Variants in FARSB observed in about 807,000 individuals in gnomAD.
FARSB encodes phenylalanyl-tRNA synthetase subunit beta.
A neutral mutation model predicts 69.6 loss-of-function variants in FARSB; 40 were observed. That is an observed-to-expected ratio of 0.57 (90% CI 0.45 to 0.75). The LOEUF is 0.75. FARSB is among the 30% of genes least tolerant of loss of function. The probability of loss-of-function intolerance (pLI) is 0.00; values close to 1 mark genes in which losing one functional copy is unlikely to be tolerated. For missense variants in FARSB, 632 were observed against 722.9 expected, an observed-to-expected ratio of 0.87 and a Z score of 1.44; for synonymous variants, 235 against 247.2, an observed-to-expected ratio of 0.95 and a Z score of 0.46.
rs191581571 is a variant in FARSB, at chr2:222,588,550, A to T, written c.1618+11378T>A. On this transcript the variant is annotated intron_variant, in intron 16 of 16. Coordinates refer to ENST00000281828, the MANE Select transcript of FARSB (RefSeq NM_005687.5). ...AGAAAGAAATAAAGGGTATTCAATT[A>T]GGAAAACTGAAGTCAAATTGTCCCT... Among the ~76,000 whole-genome samples the T allele has an allele frequency of 3.3e-3, 503 of 152,344 alleles. 2 individuals carry two copies. Among genetic ancestry groups the T allele is most frequent in the Admixed American group, 5.2e-3 (79 of 15,296 alleles).
chr2:222,586,611 C>T (rs554529487), intron 16 of FARSB, among the ~76,000 whole-genome samples: 2 of 152,186 alleles, frequency 1.3e-5, no homozygotes, highest in East Asian at 3.9e-4. Flanking sequence ...ATTCAGGAGA[C>T]TCATCTCACA....
At chr2:222,583,316 G>A (rs1243556984) in intron 16 of FARSB, among the ~76,000 whole-genome samples, 1 of 152,116 alleles carries the variant, frequency 6.6e-6, no homozygotes, top group Non-Finnish European at 1.5e-5. Flanking sequence ...AATTATAATG[G>A]AGAAAAGAAT....
In FARSB at chr2:222,634,503, T is replaced by C. The variant is rs200029631; in HGVS notation, c.494A>G (p.Asp165Gly). Residue 165 changes from aspartate to glycine, a missense_variant, in exon 6 of 17, where the codon GAC becomes GGC. Transcript: ENST00000281828. ...ATAAGTAAATGGGCCCGACAAAGTG[T>C]CCAAATCATGGGTACCAATGGCAAC... ...ALVAIGTHDLDTLSGPFTYTA... is the reference protein window; with the variant it reads ...ALVAIGTHDLGTLSGPFTYTA... The C allele has an allele frequency of 6.2e-7, 1 of 1,613,382 alleles. No homozygotes were observed. Among genetic ancestry groups the C allele is most frequent in the East Asian group, 2.2e-5 (1 of 44,860 alleles).
At position 222,622,841 on chromosome 2, in the gene FARSB, T is replaced by C. The variant is rs79827893; in HGVS notation, c.1251+809A>G. Among the ~76,000 whole-genome samples, 431 of 152,308 alleles carry C rather than the reference T, an allele frequency of 2.8e-3. 4 individuals are homozygous for C. The highest frequency in any genetic ancestry group is 5.0e-3 in the Admixed American group (76 of 15,294). ...CCTCATTGGTGCAGTGCCTGACATA[T>C]AATAAATGCTCAACAAATGTTGAAT... On this transcript the variant is annotated intron_variant, in intron 13 of 16. Transcript: ENST00000281828.
In FARSB at chr2:222,567,449, A is replaced by G. The variant is rs1266204058; in HGVS notation, c.*4422T>C. The G allele has an allele frequency of 6.6e-6, 1 of 152,204 alleles. No individual in the cohort carries two copies. Among genetic ancestry groups the G allele is most frequent in the Non-Finnish European group, 1.5e-5 (1 of 68,036 alleles). The allele number at this position is 152,204 out of a possible 1,614,324, so 9.4% of individuals were successfully genotyped here. On this transcript the variant is annotated 3_prime_UTR_variant, in exon 17 of 17. Transcript: ENST00000281828. The stretch of plus-strand genomic sequence containing the variant: ...TATTAGGGTTAGTGATGTTATATAA[A>G]ACACCAAGCACAAATAGATTAAGAT...
At chr2:222,637,295 G>T (rs2106233464) in intron 5 of FARSB, among the ~76,000 whole-genome samples, 1 of 152,294 alleles carries the variant, frequency 6.6e-6, no homozygotes, top group Non-Finnish European at 1.5e-5. Flanking sequence ...AGGAAAGCAG[G>T]CCCAGTGGAG....
At chr2:222,606,661 GA>G (rs1200720870) in intron 15 of FARSB, among the ~76,000 whole-genome samples, 1 of 152,122 alleles carries the variant, frequency 6.6e-6, no homozygotes, top group African/African-American at 2.4e-5. Context: ...TAACAGAAAA[GA>G]AAAAGGAGTG....
At position 222,623,636 on chromosome 2, in the gene FARSB, C is replaced by A; in HGVS notation, c.1251+14G>T. 1 of 1,463,430 alleles carries A rather than the reference C, an allele frequency of 6.8e-7. No individual in the cohort carries two copies. The highest frequency in any genetic ancestry group is 9.6e-7 in the Non-Finnish European group (1 of 1,042,638). 90.7% of individuals were successfully genotyped at this position (1,463,430 alleles called of 1,614,324 possible). A position where few individuals can be genotyped will look rare whatever the true frequency, so the allele number is the denominator to read the frequency against. Reference sequence around the variant, plus strand: ...TAAATAATCATCTGGGCAGAAAAAGCATGTAAGACATACCAGGGCAAAGGT... The same window carrying A: ...TAAATAATCATCTGGGCAGAAAAAGAATGTAAGACATACCAGGGCAAAGGT... On this transcript the variant is annotated intron_variant, in intron 13 of 16. Transcript: ENST00000281828.
intron 14 of FARSB, among the ~76,000 whole-genome samples, chr2:222,619,432 G>C (rs902255600): frequency 3.9e-5 from 6 of 151,972 alleles, no homozygotes; most frequent in Admixed American, 3.3e-4. Flanking sequence ...TAAGAACCCA[G>C]TATGAAGTTA....
chr2:222,579,931 C>T (rs552516971), intron 16 of FARSB, among the ~76,000 whole-genome samples: 97 of 152,256 alleles, frequency 6.4e-4, no homozygotes, highest in African/African-American at 2.2e-3. Context: ...GGACAGATAT[C>T]GTCATTGCCA....
chr2:222,643,263 A>G (rs1691767452), intron 2 of FARSB, among the ~76,000 whole-genome samples: 1 of 152,190 alleles, frequency 6.6e-6, no homozygotes, highest in Non-Finnish European at 1.5e-5. Context: ...AAATCCATCT[A>G]AACAAGGGTC....
intron 6 of FARSB, among the ~76,000 whole-genome samples, chr2:222,634,044 A>C (rs990994793): frequency 3.9e-5 from 6 of 152,244 alleles, no homozygotes; most frequent in Non-Finnish European, 8.8e-5. Context: ...AATGGGAGAT[A>C]GACAGCTTGT....
intron 15 of FARSB, among the ~76,000 whole-genome samples, chr2:222,611,795 T>C (rs1042336227): frequency 6.6e-6 from 1 of 152,118 alleles, no homozygotes; most frequent in African/African-American, 2.4e-5. Flanking sequence ...TACCCAGGAC[T>C]AAAATACTGC....
intron 15 of FARSB, among the ~76,000 whole-genome samples, chr2:222,601,413 C>CAATAAT (rs1020800566): frequency 5.6e-4 from 84 of 150,948 alleles, no homozygotes; most frequent in African/African-American, 1.8e-3. Context: ...CCCATCTCTA[C>CAATAAT]AATAATAATA....
At chr2:222,611,515 A>T (rs1169096507) in intron 15 of FARSB, among the ~76,000 whole-genome samples, 1 of 152,090 alleles carries the variant, frequency 6.6e-6, no homozygotes, top group African/African-American at 2.4e-5. Context: ...TAGTGTAAAC[A>T]TAGCTTACTG....
chr2:222,602,718 A>G (rs948985277), intron 15 of FARSB, among the ~76,000 whole-genome samples: 8 of 151,970 alleles, frequency 5.3e-5, no homozygotes, highest in Admixed American at 2.6e-4. Flanking sequence ...GGTGTGCTGC[A>G]CCCATTAATG....
At chr2:222,652,065 T>A (rs1692051669) in intron 1 of FARSB, among the ~76,000 whole-genome samples, 1 of 152,190 alleles carries the variant, frequency 6.6e-6, no homozygotes, top group East Asian at 1.9e-4. Context: ...ACAGGAGTTA[T>A]CCTATGCCCA....
chr2:222,639,727 A>G, intron 4 of FARSB, 32 bp from the exon 5 acceptor site: 1 of 1,036,652 alleles, frequency 9.6e-7, no homozygotes, highest in Non-Finnish European at 1.4e-6. Flanking sequence ...GAGATAGCAA[A>G]CAGTAAGGCT....
chr2:222,625,654 A>G (rs1049950488), intron 10 of FARSB, among the ~76,000 whole-genome samples: 1 of 152,226 alleles, frequency 6.6e-6, no homozygotes, highest in African/African-American at 2.4e-5. Flanking sequence ...GGGAGGCACA[A>G]GGTGAAGATT....
Sources: allele counts gnomAD v4.1 joint callset (sites outside exome capture counted in the v4.1 genomes callset), GRCh38; gene constraint gnomAD v4.1.1; transcripts MANE v1.5; gene names NCBI Gene and HGNC (gene_info 2026-07-23, HGNC 2026-07-21).